KAZN: variants seen among roughly 807,000 people sequenced by gnomAD.
KAZN encodes the protein kazrin, periplakin interacting protein.
KAZN carries 40 observed loss-of-function variants against 87.4 expected under a neutral mutation model. That is an observed-to-expected ratio of 0.46 (90% CI 0.36 to 0.60). The LOEUF (loss-of-function observed/expected upper bound fraction) is 0.60, where lower values mean the gene tolerates loss of function less well. KAZN is among the 20% of genes least tolerant of loss of function. KAZN has a pLI of 0.00. For missense variants in KAZN, 898 were observed against 1,073.9 expected (o/e 0.84, Z 2.29); for synonymous variants, 466 against 458.3 (o/e 1.02, Z -0.22).
chr1:14,262,375 A>G (rs1651114160), intron 2 of KAZN, among the ~76,000 whole-genome samples: 1 of 152,218 alleles, frequency 6.6e-6, no homozygotes, highest in Admixed American at 6.5e-5. Context: ...TAGATAACCT[A>G]TGTGGAAACT....
chr1:14,935,031 C>G (rs996265609), intron 1 of KAZN, among the ~76,000 whole-genome samples: 1 of 152,200 alleles, frequency 6.6e-6, no homozygotes, highest in Non-Finnish European at 1.5e-5. Context: ...GCTGGACTTG[C>G]ATTTCCACAG....
rs1470404617 is a variant in KAZN, at chr1:15,081,013, G to A, written c.1223-13167G>A. Among the ~76,000 whole-genome samples, 2 of 152,252 alleles carry A rather than the reference G, an allele frequency of 1.3e-5. No individual in the cohort carries two copies. The highest frequency in any genetic ancestry group is 4.8e-5 in the African/African-American group (2 of 41,466). On this transcript the variant is annotated intron_variant, in intron 8 of 14. Coordinates refer to ENST00000376030, the MANE Select transcript of KAZN (RefSeq NM_201628.3). The surrounding 1 kb of genome is among the most constrained non-coding windows in gnomAD (Gnocchi z 4.1). The stretch of plus-strand genomic sequence containing the variant: ...TTCAGAGGCCTTGCCGTAGGCAGAG[G>A]GACAAGAGAATGGTAGCATCTACTG...
intron 1 of KAZN, among the ~76,000 whole-genome samples, chr1:13,989,876 C>T (rs577163280): frequency 6.6e-6 from 1 of 152,288 alleles, no homozygotes. Flanking sequence ...TGTCTTCCAT[C>T]CTTGAAGAAG....
At chr1:14,847,837 G>A (rs1158567580) in intron 1 of KAZN, among the ~76,000 whole-genome samples, 1 of 152,154 alleles carries the variant, frequency 6.6e-6, no homozygotes, top group Non-Finnish European at 1.5e-5. Context: ...TAAAAAATTA[G>A]CCAGGCGTGA....
At chr1:14,717,438 T>G (rs907789097) in intron 1 of KAZN, among the ~76,000 whole-genome samples, 1 of 151,976 alleles carries the variant, frequency 6.6e-6, no homozygotes, top group Non-Finnish European at 1.5e-5. Flanking sequence ...GCTCCTTCCT[T>G]CCTTTTCCCA....
intron 1 of KAZN, among the ~76,000 whole-genome samples, chr1:14,738,135 CA>C (rs1033411031): frequency 1.3e-5 from 2 of 152,128 alleles, no homozygotes; most frequent in African/African-American, 4.8e-5. Context: ...CCTTGGGCCC[CA>C]CACCATGCAC....
At chr1:14,076,417 T>A (rs1570679810) in intron 1 of KAZN, among the ~76,000 whole-genome samples, 1 of 152,226 alleles carries the variant, frequency 6.6e-6, no homozygotes, top group South Asian at 2.1e-4. Flanking sequence ...TGCCAGAAGC[T>A]GGGGGAGAGG....
chr1:14,600,976 ATTG>A (rs1329435197), intron 1 of KAZN, among the ~76,000 whole-genome samples: 1 of 152,218 alleles, frequency 6.6e-6, no homozygotes, highest in Non-Finnish European at 1.5e-5. Context: ...GGATGGTTAA[ATTG>A]TTGTAGTGGA....
Position 15,099,914 on chromosome 1 carries a change from A to AG in KAZN, c.1548-1627dup, listed in dbSNP as rs1390446910. 1.3e-5 allele frequency among the ~76,000 whole-genome samples: 2 copies of AG among 152,160 alleles called. No individual in the cohort carries two copies. The highest frequency in any genetic ancestry group is 2.9e-5 in the Non-Finnish European group (2 of 68,016). ...CACTGACCAGAGTGACCGACAGACAAGGACGGGCTATCAGCTTGGGAGCTG... is the reference window on the plus strand; with the variant it reads ...CACTGACCAGAGTGACCGACAGACAAGGGACGGGCTATCAGCTTGGGAGCTG... On this transcript the variant is annotated intron_variant, in intron 10 of 14. Transcript: ENST00000376030. This position sits in a 1 kb window ranked among gnomAD's most constrained non-coding sequence, Gnocchi z 5.4.
At chr1:13,946,276 G>A (rs1008894622) in intron 1 of KAZN, among the ~76,000 whole-genome samples, 3 of 152,086 alleles carry the variant, frequency 2.0e-5, no homozygotes, top group East Asian at 3.9e-4. Context: ...TCTAAAGCAT[G>A]GTTTTTGTTT....
chr1:14,740,002 G>C (rs981886777), intron 1 of KAZN, among the ~76,000 whole-genome samples: 5 of 152,130 alleles, frequency 3.3e-5, no homozygotes, highest in Non-Finnish European at 7.4e-5. Flanking sequence ...GTTGAGAACG[G>C]GGGAAAGAAG....
intron 2 of KAZN, among the ~76,000 whole-genome samples, chr1:14,347,425 G>A (rs542076760): frequency 1.3e-5 from 2 of 152,266 alleles, no homozygotes; most frequent in South Asian, 2.1e-4. Context: ...ATGAAGACAC[G>A]CTAAAGAGTC....
intron 1 of KAZN, among the ~76,000 whole-genome samples, chr1:14,109,163 G>A (rs1005597993): frequency 7.9e-5 from 12 of 152,342 alleles, no homozygotes; most frequent in Admixed American, 2.6e-4. Flanking sequence ...TGACTTAAGA[G>A]TGAAATGGAG....
intron 1 of KAZN, among the ~76,000 whole-genome samples, chr1:14,655,419 A>G (rs575447207): frequency 6.6e-6 from 1 of 152,254 alleles, no homozygotes; most frequent in African/African-American, 2.4e-5. Flanking sequence ...TCTTTTCATA[A>G]TTATCTTTCT....
intron 2 of KAZN, among the ~76,000 whole-genome samples, chr1:14,405,606 A>ATATGTGTG (rs760881462): frequency 8.1e-4 from 110 of 136,326 alleles, no homozygotes; most frequent in East Asian, 2.3e-3. Context: ...ACCCAATAAA[A>ATATGTGTG]TGTGTGTGTG....
chr1:14,038,017 G>GTCCA (rs1423525056), intron 1 of KAZN, among the ~76,000 whole-genome samples: 1 of 152,120 alleles, frequency 6.6e-6, no homozygotes, highest in African/African-American at 2.4e-5. Flanking sequence ...CCACCCACCT[G>GTCCA]TCCATCCATC....
rs140848243 is a variant in KAZN, at chr1:13,974,457, G to A, written c.91+80701G>A. Reference sequence around the variant, plus strand: ...TATTTGGACAAGGGTCTTTGCAGATGTAATTAATTAAGGATCTTGGGATGA... The same window carrying A: ...TATTTGGACAAGGGTCTTTGCAGATATAATTAATTAAGGATCTTGGGATGA... On this transcript the variant is annotated intron_variant, in intron 1 of 16. Transcript: ENST00000636203. 4.2e-3 allele frequency among the ~76,000 whole-genome samples: 634 copies of A among 152,318 alleles called. 5 individuals carry two copies. The highest frequency in any genetic ancestry group is 0.014 in the African/African-American group (600 of 41,562).
chr1:13,933,208 A>G (rs757872799), intron 1 of KAZN, among the ~76,000 whole-genome samples: 20 of 151,788 alleles, frequency 1.3e-4, no homozygotes, highest in Admixed American at 1.3e-4. Context: ...AAAAATATTC[A>G]TCGGCCGGGC....
rs70997129 is a variant in KAZN, at chr1:14,268,471, T to TAAAA, written c.249+87890_249+87893dup. Among the ~76,000 whole-genome samples the TAAAA allele has an allele frequency of 8.6e-3, 1,211 of 140,614 alleles. 24 individuals carry two copies. The highest frequency in any genetic ancestry group is 0.029 in the African/African-American group (1,109 of 37,784). 92.2% of individuals were successfully genotyped at this position (140,614 alleles called of 152,430 possible). On this transcript the variant is annotated intron_variant, in intron 2 of 16. Coordinates refer to the KAZN transcript ENST00000636203. ...TACAGTAATGGATTTGACACTGTGT[T>TAAAA]AAAAAAAAAAAAAAGGAAAAGAAAC...
Sources: allele counts gnomAD v4.1 joint callset (sites outside exome capture counted in the v4.1 genomes callset), GRCh38; gene constraint gnomAD v4.1.1; non-coding constraint Gnocchi (gnomAD v3.1); transcripts MANE v1.5; gene names NCBI Gene and HGNC (gene_info 2026-07-23, HGNC 2026-07-21).